Variants in ADCY8 observed in about 807,000 individuals in gnomAD.
ADCY8 encodes the protein adenylate cyclase type 8.
In ADCY8, 51 loss-of-function variants were observed where a neutral mutation model predicts 119.7. The observed-to-expected ratio is 0.43, with a 90% CI of 0.34 to 0.54. The LOEUF is 0.54. Among genes scored for constraint, ADCY8 ranks in the 20% least tolerant of loss-of-function variants. ADCY8 has a pLI of 0.03. For missense variants in ADCY8, 1,383 were observed against 1,598.8 expected, an observed-to-expected ratio of 0.87 and a Z score of 2.30; for synonymous variants, 665 against 651.0, an observed-to-expected ratio of 1.02 and a Z score of -0.33.
chr8:130,986,422 T>C (rs1256836122), intron 2 of ADCY8, among the ~76,000 whole-genome samples: 2 of 152,212 alleles, frequency 1.3e-5, no homozygotes, highest in Non-Finnish European at 2.9e-5. Flanking sequence ...AGAGACTCCA[T>C]TGAATTATGT....
chr8:130,926,940 C>CATATATATATATATATATATAT lies in ADCY8; in HGVS notation c.1481+10132_1481+10133insATATATATATATATATATATAT, dbSNP rs10572208. Among the ~76,000 whole-genome samples the CATATATATATATATATATATAT allele has an allele frequency of 2.0e-3, 297 of 144,978 alleles. 4 individuals are homozygous for CATATATATATATATATATATAT. Among genetic ancestry groups the CATATATATATATATATATATAT allele is most frequent in the African/African-American group, 7.4e-3 (280 of 38,044 alleles). On this transcript the variant is annotated intron_variant, in intron 5 of 17. Coordinates refer to ENST00000286355, the MANE Select transcript of ADCY8 (RefSeq NM_001115.3). The stretch of plus-strand genomic sequence containing the variant: ...TTTATGGTGTAATAGTATTCCATTA[C>CATATATATATATATATATATAT]ATATATATATATATATATATACACA...
At chr8:130,925,808 A>G (rs1820448702) in intron 5 of ADCY8, among the ~76,000 whole-genome samples, 1 of 152,146 alleles carries the variant, frequency 6.6e-6, no homozygotes, top group South Asian at 2.1e-4. Flanking sequence ...CTCAGCTTTG[A>G]TGTGTTATCA....
intron 12 of ADCY8, among the ~76,000 whole-genome samples, chr8:130,834,678 GACA>G (rs993852123): frequency 5.3e-5 from 8 of 152,028 alleles, no homozygotes; most frequent in Non-Finnish European, 4.4e-5. Flanking sequence ...CATATGTACA[GACA>G]ACAACTAAAA....
chr8:130,930,719 T>A (rs951953336), intron 5 of ADCY8, among the ~76,000 whole-genome samples: 2 of 152,168 alleles, frequency 1.3e-5, no homozygotes, highest in African/African-American at 4.8e-5. Flanking sequence ...CTCTCCAGCA[T>A]TTTCTATTTT....
chr8:130,931,602 C>T (rs1820631255), intron 5 of ADCY8, among the ~76,000 whole-genome samples: 1 of 152,034 alleles, frequency 6.6e-6, no homozygotes, highest in Non-Finnish European at 1.5e-5. Context: ...TGATGTTGTC[C>T]TATAAATCTT....
chr8:130,867,700 T>C (rs191431834), intron 9 of ADCY8, 146 bp downstream of exon 9: 7 of 488,086 alleles, frequency 1.4e-5, no homozygotes, highest in Non-Finnish European at 2.2e-5. Context: ...ACAACCGGAA[T>C]AGACATTGAT....
chr8:130,886,814 ACTCTAC>A (rs1177816372), intron 7 of ADCY8, among the ~76,000 whole-genome samples: 1 of 151,966 alleles, frequency 6.6e-6, no homozygotes, highest in Non-Finnish European at 1.5e-5. Flanking sequence ...GAGCTTATCC[ACTCTAC>A]CAGTCCCTTG....
chr8:130,990,491 T>A lies in ADCY8; in HGVS notation c.1012A>T (p.Ile338Phe), dbSNP rs1822541937. 1 of 1,614,202 alleles carries A rather than the reference T, an allele frequency of 6.2e-7. No individual in the cohort carries two copies. The highest frequency in any genetic ancestry group is 1.1e-5 in the South Asian group (1 of 91,086). The change falls in exon 2 of 18, where the codon ATC becomes TTC. Residue 338 changes from isoleucine (I) to phenylalanine (F), a missense_variant. Ile to Phe is a conservative substitution (Grantham distance 21). This residue lies in a region of ADCY8 where 928 missense variants were observed against 1,163.5 expected (regional missense o/e 0.80). Coordinates refer to ENST00000286355, the MANE Select transcript of ADCY8 (RefSeq NM_001115.3). ...FMCMNTAGIFISYLSDRAQRQ... is the reference protein window; with the variant it reads ...FMCMNTAGIFFSYLSDRAQRQ... ...TGGGCCCGGTCTGACAGGTAACTGA[T>A]GAAGATTCCAGCTGTGTTCATACAC... is the stretch of plus-strand genomic sequence containing the variant.
intron 1 of ADCY8, among the ~76,000 whole-genome samples, chr8:131,033,126 T>C (rs1563775562): frequency 6.6e-6 from 1 of 152,164 alleles, no homozygotes; most frequent in South Asian, 2.1e-4. Flanking sequence ...ATTGTACCTA[T>C]TTGGTGCTGA....
At chr8:130,878,328 T>A (rs999565708) in intron 8 of ADCY8, among the ~76,000 whole-genome samples, 4 of 152,204 alleles carry the variant, frequency 2.6e-5, no homozygotes, top group Non-Finnish European at 5.9e-5. Flanking sequence ...AGTAAACTAA[T>A]CAACTGTCCT....
chr8:130,867,202 T>C lies in ADCY8; in HGVS notation c.2210+644A>G, dbSNP rs531311831. 8.5e-5 allele frequency among the ~76,000 whole-genome samples: 13 copies of C among 152,316 alleles called. No homozygotes were observed. In the East Asian group the frequency reaches 2.1e-3, roughly 25 times the overall value. On this transcript the variant is annotated intron_variant, in intron 9 of 17. Transcript: ENST00000286355. ...GTTCAAATCCTGGCTAGAGCATCTA[T>C]AACCTGGACAATATGTGTTTAATAG...
chr8:130,939,239 A>T (rs1820887431), intron 4 of ADCY8, among the ~76,000 whole-genome samples: 1 of 152,204 alleles, frequency 6.6e-6, no homozygotes, highest in Admixed American at 6.5e-5. Flanking sequence ...CTTCAGAATA[A>T]AGGCAAGGTT....
rs190413368 is a variant in ADCY8 at position 131,014,186 on chromosome 8, C to A, written c.961-23644G>T. 5.5e-4 allele frequency among the ~76,000 whole-genome samples: 83 copies of A among 152,270 alleles called. 1 individual carries two copies. Among genetic ancestry groups the A allele is most frequent in the Non-Finnish European group, 4.4e-4 (30 of 68,016 alleles). ...GAGAGGCATCAGTTAACCTCTACAG[C>A]AGGGAATAAGCATAAGCAAATCTAT... On this transcript the variant is annotated intron_variant, in intron 1 of 17. Coordinates refer to ENST00000286355, the MANE Select transcript of ADCY8 (RefSeq NM_001115.3).
rs763633456 is a variant in ADCY8, at chr8:130,909,807, G to A, written c.1541C>T (p.Ser514Leu). ...TAGTCCCAAAACACCGCACAGCACC[G>A]AGCCGGAGTGGATTCCAATCCTCAT... ...VDMRIGIHSG[S>L]VLCGVLGLRK... is the part of the protein sequence containing the mutation. The change falls in exon 6 of 18, where the codon TCG (serine) becomes TTG (leucine). Residue 514 changes from serine (S) to leucine (L), a missense_variant. This residue lies in a region of ADCY8 where 928 missense variants were observed against 1,163.5 expected (regional missense o/e 0.80). Coordinates refer to ENST00000286355, the MANE Select transcript of ADCY8 (RefSeq NM_001115.3). 4.3e-6 allele frequency: 7 copies of A among 1,614,098 alleles called. No individual in the cohort carries two copies. The highest frequency in any genetic ancestry group is 3.3e-5 in the Admixed American group (2 of 60,014).
intron 11 of ADCY8, among the ~76,000 whole-genome samples, chr8:130,839,763 T>C (rs1812720370): frequency 7.1e-6 from 1 of 139,938 alleles, no homozygotes; most frequent in African/African-American, 2.4e-5. Flanking sequence ...AAGGGGCTCA[T>C]AGGTATAGTA....
intron 8 of ADCY8, among the ~76,000 whole-genome samples, chr8:130,872,047 TAGTC>T (rs1340959820): frequency 4.6e-5 from 7 of 152,178 alleles, no homozygotes; most frequent in Admixed American, 2.0e-4. Flanking sequence ...GAGCTTGTCA[TAGTC>T]AGTTGGTGGC....
chr8:130,936,407 GCAA>G (rs1450263075), intron 5 of ADCY8, among the ~76,000 whole-genome samples: 1 of 152,146 alleles, frequency 6.6e-6, no homozygotes, highest in Non-Finnish European at 1.5e-5. Context: ...AGGATAAAGT[GCAA>G]CCTCTTAACA....
chr8:130,976,188 G>T (rs867856767), intron 2 of ADCY8, among the ~76,000 whole-genome samples: 1 of 152,156 alleles, frequency 6.6e-6, no homozygotes, highest in Non-Finnish European at 1.5e-5. Flanking sequence ...ATAACTTGGG[G>T]GTGGGGTAAG....
chr8:130,869,977 C>CTTCTCCTTCT (rs1343437958), intron 8 of ADCY8, among the ~76,000 whole-genome samples: 1,387 of 125,220 alleles, frequency 0.011, 21 homozygotes, highest in African/African-American at 0.035. Flanking sequence ...TTCCTTCTTC[C>CTTCTCCTTCT]TCCTCCTCCT....
Sources: gnomAD v4.1 joint callset for allele counts (sites outside exome capture counted in the v4.1 genomes callset) on GRCh38, gnomAD v4.1.1 for gene constraint, gnomAD v4.1.1 regional missense constraint, MANE v1.5 for transcripts, NCBI Gene and HGNC (gene_info 2026-07-23, HGNC 2026-07-21) for gene names.